C1orf21: variants seen among roughly 807,000 people sequenced by gnomAD.
The protein encoded by C1orf21 is uncharacterized protein C1orf21.
C1orf21 carries 3 observed loss-of-function variants against 18.7 expected under a neutral mutation model. The ratio of observed to expected loss-of-function variants is 0.16; its 90% CI spans 0.07 to 0.42. C1orf21 has a LOEUF of 0.42. Ranked by LOEUF, C1orf21 falls within the 10% of genes least tolerant of loss-of-function variation. C1orf21 has a pLI of 0.99. For synonymous variants in C1orf21, 41 were observed against 46.4 expected, an observed-to-expected ratio of 0.88 and a Z score of 0.47; for missense variants, 104 against 143.6, an observed-to-expected ratio of 0.72 and a Z score of 1.41.
intron 2 of C1orf21, among the ~76,000 whole-genome samples, chr1:184,497,995 C>T (rs572400258): frequency 6.6e-6 from 1 of 152,260 alleles, no homozygotes; most frequent in East Asian, 1.9e-4. Flanking sequence ...TCATCTTCTG[C>T]AAAACTTTCC....
intron 1 of C1orf21, among the ~76,000 whole-genome samples, chr1:184,471,783 A>G (rs1229490578): frequency 6.6e-6 from 1 of 152,238 alleles, no homozygotes; most frequent in Non-Finnish European, 1.5e-5. Context: ...AGAAGGCAGA[A>G]GCCAAAATCC....
chr1:184,562,594 G>C (rs1216043331), intron 3 of C1orf21, among the ~76,000 whole-genome samples: 3 of 152,200 alleles, frequency 2.0e-5, no homozygotes, highest in African/African-American at 7.2e-5. Flanking sequence ...GAATAATTAA[G>C]GCAACATAGT....
rs146273416 is a variant in C1orf21, at chr1:184,577,254, C to T, written c.190-13485C>T. Among the ~76,000 whole-genome samples the T allele has an allele frequency of 5.7e-4, 87 of 151,350 alleles. 1 individual carries two copies. The East Asian group carries it at 0.011, about 20-fold the overall frequency. On this transcript the variant is annotated intron_variant, in intron 3 of 5. Transcript: ENST00000235307. ...GAGTTAGAGAAAGAAGATGTAATAACAGAAGCAGAGATTGGAGATAGAAGA... is the reference window on the plus strand; with the variant it reads ...GAGTTAGAGAAAGAAGATGTAATAATAGAAGCAGAGATTGGAGATAGAAGA...
intron 1 of C1orf21, among the ~76,000 whole-genome samples, chr1:184,471,065 T>C (rs1332275755): frequency 6.6e-6 from 1 of 152,130 alleles, no homozygotes; most frequent in Non-Finnish European, 1.5e-5. Flanking sequence ...GTGTCAGCCA[T>C]GCATGAGCTC....
intron 2 of C1orf21, among the ~76,000 whole-genome samples, chr1:184,483,411 A>G (rs1657684536): frequency 6.6e-6 from 1 of 152,234 alleles, no homozygotes; most frequent in Non-Finnish European, 1.5e-5. Flanking sequence ...GGAAATTAAT[A>G]CGTCAGGCTT....
chr1:184,465,194 G>A (rs1309611570), intron 1 of C1orf21, among the ~76,000 whole-genome samples: 1 of 152,110 alleles, frequency 6.6e-6, no homozygotes, highest in Non-Finnish European at 1.5e-5. Context: ...ACCAGAGGAA[G>A]GACCCAACAG....
chr1:184,530,372 A>G (rs1034130487), intron 3 of C1orf21, among the ~76,000 whole-genome samples: 13 of 152,142 alleles, frequency 8.5e-5, no homozygotes, highest in African/African-American at 2.9e-4. Context: ...CTGCTGCATA[A>G]TAAGTGCTGC....
intron 3 of C1orf21, among the ~76,000 whole-genome samples, chr1:184,555,006 G>T (rs1658858804): frequency 6.6e-6 from 1 of 152,114 alleles, no homozygotes; most frequent in African/African-American, 2.4e-5. Context: ...TTATTCTGTT[G>T]TAATTTCCTC....
intron 1 of C1orf21, among the ~76,000 whole-genome samples, chr1:184,429,884 G>A (rs530000403): frequency 6.6e-4 from 101 of 152,064 alleles, no homozygotes; most frequent in African/African-American, 2.2e-3. Context: ...TGAGGTAGGC[G>A]GATCATGAGG....
At chr1:184,555,229 T>C (rs775303848) in intron 3 of C1orf21, among the ~76,000 whole-genome samples, 13 of 152,220 alleles carry the variant, frequency 8.5e-5, no homozygotes, top group Non-Finnish European at 1.3e-4. Context: ...CTGCCTCTTA[T>C]CAGCTGCGTG....
chr1:184,571,611 C>G (rs1213375577), intron 3 of C1orf21, among the ~76,000 whole-genome samples: 5 of 152,170 alleles, frequency 3.3e-5, no homozygotes, highest in Non-Finnish European at 4.4e-5. Context: ...CTTTGACTTG[C>G]TTTGGGCTGG....
At chr1:184,433,660 T>C (rs1656810135) in intron 1 of C1orf21, among the ~76,000 whole-genome samples, 1 of 152,200 alleles carries the variant, frequency 6.6e-6, no homozygotes. Context: ...AGGTTAGTTT[T>C]AACAACATAT....
intron 1 of C1orf21, among the ~76,000 whole-genome samples, chr1:184,410,502 G>A (rs1656315752): frequency 6.8e-6 from 1 of 146,442 alleles, no homozygotes; most frequent in Non-Finnish European, 1.5e-5. Flanking sequence ...GGTTGCTAAT[G>A]GCATATGATG....
chr1:184,556,017 T>C (rs570771451), intron 3 of C1orf21, among the ~76,000 whole-genome samples: 1 of 152,048 alleles, frequency 6.6e-6, no homozygotes, highest in Admixed American at 6.5e-5. Context: ...TCTAGAACGA[T>C]CTGTAAGAAA....
intron 1 of C1orf21, among the ~76,000 whole-genome samples, chr1:184,444,981 G>A (rs770131662): frequency 1.5e-4 from 23 of 152,242 alleles, no homozygotes; most frequent in Non-Finnish European, 2.6e-4. Flanking sequence ...CATGTGTAGC[G>A]TGACTTGTGC....
Position 184,466,179 on chromosome 1 carries a change from G to A in C1orf21, c.-124-11207G>A, listed in dbSNP as rs1221007513. On this transcript the variant is annotated intron_variant, in intron 1 of 5. Coordinates refer to ENST00000235307, the MANE Select transcript of C1orf21 (RefSeq NM_030806.4). Reference sequence around the variant, plus strand: ...TCCTAATAGCTCATATCGTGTAACCGTATGTGTTCTTTAATAGTGTTTCAG... The same window carrying A: ...TCCTAATAGCTCATATCGTGTAACCATATGTGTTCTTTAATAGTGTTTCAG... Among the ~76,000 whole-genome samples the A allele has an allele frequency of 5.3e-5, 8 of 152,186 alleles. No individual in the cohort carries two copies. The South Asian group carries it at 1.5e-3, about 28-fold the overall frequency.
chr1:184,492,332 T>G (rs1657828528), intron 2 of C1orf21, among the ~76,000 whole-genome samples: 1 of 152,186 alleles, frequency 6.6e-6, no homozygotes, highest in Admixed American at 6.5e-5. Flanking sequence ...ATGGGAGTGT[T>G]GAGTGCTAAT....
intron 1 of C1orf21, among the ~76,000 whole-genome samples, chr1:184,454,183 C>T (rs1186488271): frequency 6.6e-6 from 1 of 152,058 alleles, no homozygotes. Flanking sequence ...GAAAGGATAG[C>T]AATATTTCAA....
chr1:184,489,839 AC>A (rs1657791198), intron 2 of C1orf21, among the ~76,000 whole-genome samples: 2 of 152,148 alleles, frequency 1.3e-5, no homozygotes, highest in South Asian at 4.1e-4. Context: ...ATTCACCAAA[AC>A]TTTTACGATG....
Sources: gnomAD v4.1 joint callset for allele counts (sites outside exome capture counted in the v4.1 genomes callset) on GRCh38, gnomAD v4.1.1 for gene constraint, MANE v1.5 for transcripts, NCBI Gene and HGNC (gene_info 2026-07-23, HGNC 2026-07-21) for gene names.